Variants in TMTC1 observed in about 807,000 individuals in gnomAD.
TMTC1 encodes transmembrane O-mannosyltransferase targeting cadherins 1.
In TMTC1, 73 loss-of-function variants were observed where a neutral mutation model predicts 104.8. The observed-to-expected ratio is 0.70, with a 90% CI of 0.58 to 0.85. The LOEUF (loss-of-function observed/expected upper bound fraction) is 0.85, where lower values mean the gene tolerates loss of function less well. Among genes scored for constraint, TMTC1 ranks in the 40% least tolerant of loss-of-function variants. TMTC1 has a pLI of 0.00. For synonymous variants in TMTC1, 434 were observed against 428.7 expected, an observed-to-expected ratio of 1.01 and a Z score of -0.15; for missense variants, 1,035 against 1,096.1, an observed-to-expected ratio of 0.94 and a Z score of 0.79.
At chr12:29,768,253 C>T (rs1943519232) in intron 1 of TMTC1, among the ~76,000 whole-genome samples, 178 bp from the exon 2 acceptor site, 1 of 152,130 alleles carries the variant, frequency 6.6e-6, no homozygotes, top group Admixed American at 6.5e-5. Flanking sequence ...TTTCCTATTT[C>T]AGAATTGTCC....
chr12:29,677,561 A>T (rs1300001066), intron 5 of TMTC1, among the ~76,000 whole-genome samples: 1 of 152,244 alleles, frequency 6.6e-6, no homozygotes, highest in Non-Finnish European at 1.5e-5. Context: ...ACCTGCAGTC[A>T]ATTGCCGTCC....
chr12:29,611,863 A>G lies in TMTC1; in HGVS notation c.1129-7564T>C, dbSNP rs954834784. ...AGTTGCAAGTGGTAGAGGATGGAGG[A>G]AAAACAAATATCTTTCAAGCACATA... is the stretch of plus-strand genomic sequence containing the variant. On this transcript the variant is annotated intron_variant, in intron 6 of 17. Transcript: ENST00000539277. Among the ~76,000 whole-genome samples the G allele has an allele frequency of 1.5e-4, 23 of 152,314 alleles. 2 individuals are homozygous for G. Among genetic ancestry groups the G allele is most frequent in the Admixed American group, 1.5e-3 (23 of 15,298 alleles).
chr12:29,728,416 C>A (rs1942458149), intron 5 of TMTC1, among the ~76,000 whole-genome samples: 1 of 152,144 alleles, frequency 6.6e-6, no homozygotes, highest in Non-Finnish European at 1.5e-5. Context: ...AAGCAAACTG[C>A]CCACATGTGG....
intron 10 of TMTC1, among the ~76,000 whole-genome samples, chr12:29,551,309 T>C (rs1182115988): frequency 6.6e-6 from 1 of 152,240 alleles, no homozygotes; most frequent in Non-Finnish European, 1.5e-5. Context: ...TTTGTGTGGC[T>C]AGTGCCAAAG....
chr12:29,640,312 C>CCA, intron 5 of TMTC1, among the ~76,000 whole-genome samples: 1 of 151,322 alleles, frequency 6.6e-6, no homozygotes, highest in Admixed American at 6.6e-5. Flanking sequence ...GAGGCAGGAA[C>CCA]AGATGCAGCT....
Position 29,783,849 on chromosome 12 carries a change from G to C in TMTC1, c.-98C>G. The C allele has an allele frequency of 9.7e-7, 1 of 1,035,866 alleles. No homozygotes were observed. Among genetic ancestry groups the C allele is most frequent in the South Asian group, 4.6e-5 (1 of 21,698 alleles). The allele number at this position is 1,035,866 out of a possible 1,614,324, so 64.2% of individuals were successfully genotyped here. A position where few individuals can be genotyped will look rare whatever the true frequency, so the allele number is the denominator to read the frequency against. The stretch of plus-strand genomic sequence containing the variant: ...GCGCGCGGCGTCTGCCCGGAGGGGG[G>C]CTCGGGCATGGTGCTGCGGCAGCTG... On this transcript the variant is annotated 5_prime_UTR_variant, in exon 1 of 18. Transcript: ENST00000539277. The surrounding 1 kb of genome is among the most constrained non-coding windows in gnomAD (Gnocchi z 4.7).
intron 11 of TMTC1, among the ~76,000 whole-genome samples, chr12:29,524,796 CAGGCATA>C (rs1555164599): frequency 6.6e-6 from 1 of 152,130 alleles, no homozygotes; most frequent in Non-Finnish European, 1.5e-5. Flanking sequence ...CTTTTCTACC[CAGGCATA>C]AGACTGTCAA....
chr12:29,628,021 A>G (rs1938093189), intron 6 of TMTC1, among the ~76,000 whole-genome samples: 1 of 152,208 alleles, frequency 6.6e-6, no homozygotes, highest in African/African-American at 2.4e-5. Context: ...CTTATCTTCT[A>G]AGCTTCCCCA....
chr12:29,533,171 C>T (rs1250971505), intron 11 of TMTC1: 1 of 152,180 alleles, frequency 6.6e-6, no homozygotes, highest in African/African-American at 2.4e-5. Flanking sequence ...ACTTGGGCTC[C>T]ATTATGGCCT....
chr12:29,537,567 A>G (rs1944679432), intron 10 of TMTC1, among the ~76,000 whole-genome samples: 1 of 152,184 alleles, frequency 6.6e-6, no homozygotes. Flanking sequence ...GACCTGTTTC[A>G]GCAACATCAC....
At chr12:29,652,816 T>C (rs1235300089) in intron 5 of TMTC1, among the ~76,000 whole-genome samples, 2 of 152,170 alleles carry the variant, frequency 1.3e-5, no homozygotes, top group African/African-American at 2.4e-5. Context: ...AATTCCAGCA[T>C]TTTGGGAAGC....
chr12:29,505,572 T>C lies in TMTC1; in HGVS notation c.*1274A>G, dbSNP rs1943678550. ...GAAAGCTGATATTAAAACCACTTTGTACAGAGAAAAAAGAAGAGTGTGTAT... is the reference window on the plus strand; with the variant it reads ...GAAAGCTGATATTAAAACCACTTTGCACAGAGAAAAAAGAAGAGTGTGTAT... On this transcript the variant is annotated 3_prime_UTR_variant, in exon 18 of 18. Transcript: ENST00000539277. The C allele has an allele frequency of 6.6e-6, 1 of 152,128 alleles. No individual in the cohort carries two copies. Among genetic ancestry groups the C allele is most frequent in the Non-Finnish European group, 1.5e-5 (1 of 68,020 alleles). 9.4% of individuals were successfully genotyped at this position (152,128 alleles called of 1,614,324 possible).
At chr12:29,777,981 T>A (rs1034320026) in intron 1 of TMTC1, among the ~76,000 whole-genome samples, 1 of 152,228 alleles carries the variant, frequency 6.6e-6, no homozygotes, top group Non-Finnish European at 1.5e-5. Flanking sequence ...TAGTGCTTAT[T>A]TTCATGGTTG....
intron 6 of TMTC1, among the ~76,000 whole-genome samples, chr12:29,629,654 CA>C (rs1461472237): frequency 1.3e-5 from 2 of 152,050 alleles, no homozygotes; most frequent in Non-Finnish European, 2.9e-5. Context: ...TAAAGGTTAT[CA>C]GGGGATGGAG....
chr12:29,703,561 G>T (rs1941661321), intron 5 of TMTC1, among the ~76,000 whole-genome samples: 1 of 152,106 alleles, frequency 6.6e-6, no homozygotes, highest in African/African-American at 2.4e-5. Context: ...GATACCATTT[G>T]CTCGGATTAA....
chr12:29,700,230 T>C (rs1003893718), intron 5 of TMTC1, among the ~76,000 whole-genome samples: 4 of 150,666 alleles, frequency 2.7e-5, no homozygotes, highest in African/African-American at 9.7e-5. Context: ...TGTTTTTCTT[T>C]TTTTTTTTGT....
chr12:29,567,372 T>C (rs1210687846), intron 9 of TMTC1, among the ~76,000 whole-genome samples: 1 of 152,216 alleles, frequency 6.6e-6, no homozygotes, highest in East Asian at 1.9e-4. Flanking sequence ...CTCATAAGTA[T>C]GGCCACAATG....
intron 5 of TMTC1, among the ~76,000 whole-genome samples, chr12:29,641,585 G>A (rs1565731251): frequency 6.6e-6 from 1 of 152,112 alleles, no homozygotes; most frequent in African/African-American, 2.4e-5. Context: ...AAAAGAATCT[G>A]AACAACAGCC....
intron 9 of TMTC1, among the ~76,000 whole-genome samples, chr12:29,565,667 T>G (rs909644414): frequency 1.3e-5 from 2 of 152,044 alleles, no homozygotes; most frequent in African/African-American, 4.8e-5. Context: ...GCCAACATGG[T>G]GAAACCCCGC....
Sources: gnomAD v4.1 joint callset for allele counts (sites outside exome capture counted in the v4.1 genomes callset) on GRCh38, gnomAD v4.1.1 for gene constraint, Gnocchi (gnomAD v3.1) non-coding constraint, MANE v1.5 for transcripts, NCBI Gene and HGNC (gene_info 2026-07-23, HGNC 2026-07-21) for gene names.